The following ANKRD29 variants were observed in gnomAD, a reference collection of about 807,000 sequenced individuals.
The protein encoded by ANKRD29 is ankyrin repeat domain 29.
A neutral mutation model predicts 38.0 loss-of-function variants in ANKRD29; 32 were observed. That is an observed-to-expected ratio of 0.84 (90% CI 0.64 to 1.13). ANKRD29 has a LOEUF of 1.13. Ranked by LOEUF, ANKRD29 falls within the 50% of genes most tolerant of loss-of-function variation. The pLI is 0.00. For missense variants in ANKRD29, 357 were observed against 377.9 expected, an observed-to-expected ratio of 0.94 and a Z score of 0.46; for synonymous variants, 135 against 152.4, an observed-to-expected ratio of 0.89 and a Z score of 0.84.
chr18:23,642,395 T>TG (rs1357335953), intron 3 of ANKRD29, among the ~76,000 whole-genome samples: 1 of 152,048 alleles, frequency 6.6e-6, no homozygotes, highest in African/African-American at 2.4e-5. Context: ...GGAAGCCACT[T>TG]GCGGTACATC....
chr18:23,644,351 A>T (rs1260874996), intron 3 of ANKRD29, among the ~76,000 whole-genome samples: 1 of 152,222 alleles, frequency 6.6e-6, no homozygotes, highest in African/African-American at 2.4e-5. Context: ...TTAGAGAAAA[A>T]CTGTCTTTAA....
At chr18:23,607,242 A>G (rs1324708607) in intron 9 of ANKRD29, among the ~76,000 whole-genome samples, 1 of 152,218 alleles carries the variant, frequency 6.6e-6, no homozygotes, top group African/African-American at 2.4e-5. Flanking sequence ...ATGCTACTAC[A>G]GACCAGAGGC....
Position 23,629,963 on chromosome 18 carries a change from C to G in ANKRD29, c.430-12G>C. 6.2e-7 allele frequency: 1 copy of G among 1,603,160 alleles called. No individual in the cohort carries two copies. Among genetic ancestry groups the G allele is most frequent in the African/African-American group, 1.3e-5 (1 of 74,832 alleles). On this transcript the variant is annotated splice_polypyrimidine_tract_variant and intron_variant, in intron 5 of 9. Coordinates refer to ENST00000592179, the MANE Select transcript of ANKRD29 (RefSeq NM_173505.4). ...GCAGTGGCTCCATCCTGAGAGAGAACAAATTAAAAGCATTAAAAACATTAT... is the reference window on the plus strand; with the variant it reads ...GCAGTGGCTCCATCCTGAGAGAGAAGAAATTAAAAGCATTAAAAACATTAT...
intron 3 of ANKRD29, among the ~76,000 whole-genome samples, chr18:23,641,535 G>A (rs978231998): frequency 2.0e-5 from 3 of 152,226 alleles, no homozygotes; most frequent in Non-Finnish European, 2.9e-5. Context: ...GGCCCCCTCC[G>A]GACTTTGGGT....
At chr18:23,619,226 G>GC (rs2059762305) in intron 7 of ANKRD29, among the ~76,000 whole-genome samples, 1 of 152,098 alleles carries the variant, frequency 6.6e-6, no homozygotes, top group South Asian at 2.1e-4. Flanking sequence ...CCTAGGACAC[G>GC]CCCCAGGACA....
chr18:23,624,481 A>AAAAAAAAAAAAAAAAAAAAAAAAAAAAC (rs2059836751), intron 6 of ANKRD29, among the ~76,000 whole-genome samples: 1 of 134,356 alleles, frequency 7.4e-6, no homozygotes. Flanking sequence ...AAAAAAAAAA[A>AAAAAAAAAAAAAAAAAAAAAAAAAAAAC]AAAAAAAAAA....
chr18:23,631,085 A>G (rs1443182409), intron 5 of ANKRD29, among the ~76,000 whole-genome samples: 1 of 151,730 alleles, frequency 6.6e-6, no homozygotes, highest in Non-Finnish European at 1.5e-5. Flanking sequence ...CCCCAACATG[A>G]GGGTTCTGCA....
rs1202592319 is a variant in ANKRD29, at chr18:23,601,100, C to T, written c.*126G>A. ...GAGCGTAGCTCTTCTTTGTCAGGGA[C>T]CCACAGGATGGGCATTCTGGGCATC... is the stretch of plus-strand genomic sequence containing the variant. On this transcript the variant is annotated 3_prime_UTR_variant, in exon 10 of 10. Coordinates refer to ENST00000592179, the MANE Select transcript of ANKRD29 (RefSeq NM_173505.4). The T allele has an allele frequency of 2.5e-6, 2 of 791,154 alleles. No homozygotes were observed. The highest frequency in any genetic ancestry group is 3.5e-5 in the African/African-American group (2 of 56,932). The allele number at this position is 791,154 out of a possible 1,614,324, so 49.0% of individuals were successfully genotyped here. A position where few individuals can be genotyped will look rare whatever the true frequency, so the allele number is the denominator to read the frequency against.
Position 23,662,904 on chromosome 18 carries a change from G to A in ANKRD29, c.-174C>T, listed in dbSNP as rs115093868. On this transcript the variant is annotated 5_prime_UTR_variant, in exon 1 of 10. Coordinates refer to ENST00000592179, the MANE Select transcript of ANKRD29 (RefSeq NM_173505.4). ...GCCGCACACAGGGCCGGGCCGAAGG[G>A]GCGGCGCGGGGGCGCGCGCGCGCGC... is the stretch of plus-strand genomic sequence containing the variant. The A allele has an allele frequency of 0.018, 6,757 of 374,732 alleles. 459 individuals carry two copies. Among genetic ancestry groups the A allele is most frequent in the African/African-American group, 0.14 (6,356 of 45,316 alleles). The allele number at this position is 374,732 out of a possible 1,614,324, so 23.2% of individuals were successfully genotyped here. A position where few individuals can be genotyped will look rare whatever the true frequency, so the allele number is the denominator to read the frequency against.
Position 23,615,913 on chromosome 18 carries a change from T to A in ANKRD29, c.723+1819A>T, listed in dbSNP as rs373731475. Among the ~76,000 whole-genome samples, 6 of 147,308 alleles carry A rather than the reference T, an allele frequency of 4.1e-5. 1 individual carries two copies. In the East Asian group the frequency reaches 7.8e-4, roughly 19 times the overall value. On this transcript the variant is annotated intron_variant, in intron 8 of 9. Transcript: ENST00000592179. ...TATATTTATATTATATAGTATATAC[T>A]ATATAGTATGTATATATTATATAGT...
intron 9 of ANKRD29, among the ~76,000 whole-genome samples, chr18:23,610,474 C>G (rs1310651718): frequency 1.3e-5 from 2 of 152,064 alleles, no homozygotes; most frequent in Non-Finnish European, 2.9e-5. Flanking sequence ...GAGACTCTGT[C>G]TCAAAAACAA....
At chr18:23,620,900 G>A (rs1212095346) in intron 6 of ANKRD29, among the ~76,000 whole-genome samples, 2 of 152,118 alleles carry the variant, frequency 1.3e-5, no homozygotes, top group Admixed American at 6.5e-5. Flanking sequence ...GCCTGGTGTC[G>A]GGAAGGCAAG....
intron 5 of ANKRD29, among the ~76,000 whole-genome samples, chr18:23,633,114 G>A (rs79259912): frequency 3.9e-4 from 60 of 152,076 alleles, no homozygotes; most frequent in African/African-American, 1.3e-3. Context: ...TTCTATTTTC[G>A]CTTACAAAAC....
In ANKRD29 at chr18:23,616,232, T is replaced by C. The variant is rs560587269; in HGVS notation, c.723+1500A>G. On this transcript the variant is annotated intron_variant, in intron 8 of 9. Coordinates refer to ENST00000592179, the MANE Select transcript of ANKRD29 (RefSeq NM_173505.4). ...TGTACTATATATTATATAGTATGTA[T>C]TTACAGTATATAATTTACTATATAT... is the stretch of plus-strand genomic sequence containing the variant. Among the ~76,000 whole-genome samples, 3 of 149,482 alleles carry C rather than the reference T, an allele frequency of 2.0e-5. No homozygotes were observed. In the South Asian group the frequency reaches 6.3e-4, roughly 31 times the overall value.
At chr18:23,645,567 C>T (rs1398948486) in intron 3 of ANKRD29, among the ~76,000 whole-genome samples, 2 of 152,078 alleles carry the variant, frequency 1.3e-5, no homozygotes, top group Non-Finnish European at 2.9e-5. Context: ...GGGCGAGACT[C>T]CATCTTAAAA....
chr18:23,625,498 A>G (rs1287087755), intron 6 of ANKRD29, among the ~76,000 whole-genome samples: 1 of 152,072 alleles, frequency 6.6e-6, no homozygotes, highest in African/African-American at 2.4e-5. Flanking sequence ...AGAAACAGAG[A>G]TATGAAGAGA....
chr18:23,614,040 C>A (rs1435442667), intron 8 of ANKRD29, among the ~76,000 whole-genome samples: 2 of 151,952 alleles, frequency 1.3e-5, no homozygotes, highest in Non-Finnish European at 2.9e-5. Context: ...CCTTTACAAA[C>A]AATTTTAACA....
In ANKRD29 at chr18:23,612,129, A is replaced by G; in HGVS notation, c.785T>C (p.Leu262Pro). ...LSGNIKTVAL[L>P]LEAGADPSLR... ...GGATGGGTCTGCCCCTGCTTCTAGGAGCAGCGCAACTGTTTTAATGTTTCC... is the reference window on the plus strand; with the variant it reads ...GGATGGGTCTGCCCCTGCTTCTAGGGGCAGCGCAACTGTTTTAATGTTTCC... The change falls in exon 9 of 10, where the codon CTC becomes CCC. Residue 262 changes from leucine to proline, a missense_variant. By Grantham distance (98) the Leu-to-Pro change is moderately conservative (BLOSUM62 -3). Coordinates refer to ENST00000592179, the MANE Select transcript of ANKRD29 (RefSeq NM_173505.4). 1 of 1,613,896 alleles carries G rather than the reference A, an allele frequency of 6.2e-7. No individual in the cohort carries two copies. The highest frequency in any genetic ancestry group is 8.5e-7 in the Non-Finnish European group (1 of 1,179,980).
intron 1 of ANKRD29, among the ~76,000 whole-genome samples, chr18:23,660,267 C>A (rs1170108059): frequency 6.6e-6 from 1 of 152,184 alleles, no homozygotes; most frequent in African/African-American, 2.4e-5. Context: ...TATCTCATTA[C>A]AGTTTTGTAT....
Sources: gnomAD v4.1 joint callset for allele counts (sites outside exome capture counted in the v4.1 genomes callset) on GRCh38, gnomAD v4.1.1 for gene constraint, MANE v1.5 for transcripts, NCBI Gene and HGNC (gene_info 2026-07-23, HGNC 2026-07-21) for gene names.